Variants in SCML4 observed in about 807,000 individuals in gnomAD.
SCML4 encodes sex comb on midleg-like protein 4.
In SCML4, 34 loss-of-function variants were observed where a neutral mutation model predicts 41.1. That is an observed-to-expected ratio of 0.83 (90% CI 0.63 to 1.10). SCML4 has a LOEUF of 1.10. Among genes scored for constraint, SCML4 ranks in the 50% least tolerant of loss-of-function variants. The pLI is 0.00. For missense variants in SCML4, 522 were observed against 534.1 expected, an observed-to-expected ratio of 0.98 and a Z score of 0.22; for synonymous variants, 214 against 220.9, an observed-to-expected ratio of 0.97 and a Z score of 0.28.
chr6:107,809,790 C>T (rs144611727), intron 1 of SCML4, among the ~76,000 whole-genome samples: 55 of 152,290 alleles, frequency 3.6e-4, no homozygotes, highest in Middle Eastern at 6.8e-3. Context: ...AAAACCAGAA[C>T]GCAGGTAGCC....
intron 1 of SCML4, among the ~76,000 whole-genome samples, chr6:107,820,282 A>C (rs936319401): frequency 2.0e-5 from 3 of 152,208 alleles, no homozygotes; most frequent in Non-Finnish European, 4.4e-5. Flanking sequence ...ATCTGCATCC[A>C]TCACCACTTG....
chr6:107,767,105 G>A (rs1040172222), intron 2 of SCML4, among the ~76,000 whole-genome samples: 4 of 151,856 alleles, frequency 2.6e-5, no homozygotes, highest in African/African-American at 7.3e-5. Context: ...TTACTGACAC[G>A]CGCCACCATG....
At chr6:107,773,908 G>T (rs1027240062) in intron 1 of SCML4, among the ~76,000 whole-genome samples, 2 of 152,230 alleles carry the variant, frequency 1.3e-5, no homozygotes, top group Non-Finnish European at 2.9e-5. Flanking sequence ...TGTCTACAAG[G>T]ACAAGATTGC....
chr6:107,729,314 C>T (rs1342227380), intron 5 of SCML4, among the ~76,000 whole-genome samples: 1 of 152,198 alleles, frequency 6.6e-6, no homozygotes, highest in Non-Finnish European at 1.5e-5. Context: ...TGGTGGCCAA[C>T]AATCTTTGGA....
intron 5 of SCML4, among the ~76,000 whole-genome samples, chr6:107,724,102 T>C (rs1283204353): frequency 3.9e-5 from 6 of 152,062 alleles, no homozygotes; most frequent in Non-Finnish European, 8.8e-5. Context: ...TTTGACAAAA[T>C]CCAATACCCT....
At chr6:107,752,359 G>A (rs936946117) in intron 2 of SCML4, among the ~76,000 whole-genome samples, 6 of 152,018 alleles carry the variant, frequency 3.9e-5, no homozygotes, top group African/African-American at 1.4e-4. Context: ...ATATGGTTCT[G>A]GGGGAGAGCC....
intron 1 of SCML4, among the ~76,000 whole-genome samples, chr6:107,821,711 T>C (rs761224905): frequency 6.6e-6 from 1 of 152,098 alleles, no homozygotes; most frequent in Non-Finnish European, 1.5e-5. Context: ...TGGAGTGGGA[T>C]GGGCACATCC....
intron 1 of SCML4, among the ~76,000 whole-genome samples, chr6:107,780,159 G>T (rs923389335): frequency 2.0e-5 from 3 of 152,114 alleles, no homozygotes; most frequent in African/African-American, 7.2e-5. Flanking sequence ...GGAGTCGGAG[G>T]TGCCTTTGTA....
intron 5 of SCML4, among the ~76,000 whole-genome samples, chr6:107,734,385 C>T (rs1239856991): frequency 6.6e-6 from 1 of 152,088 alleles, no homozygotes; most frequent in African/African-American, 2.4e-5. Context: ...TTGAAGATAC[C>T]TTGGGCGATT....
intron 6 of SCML4, among the ~76,000 whole-genome samples, chr6:107,713,732 T>C (rs1298392544): frequency 6.6e-6 from 1 of 152,154 alleles, no homozygotes; most frequent in Non-Finnish European, 1.5e-5. Flanking sequence ...CCAGGCCCTC[T>C]TGGTTTCTGG....
At chr6:107,776,774 A>T (rs1002266501) in intron 1 of SCML4, among the ~76,000 whole-genome samples, 3 of 152,228 alleles carry the variant, frequency 2.0e-5, no homozygotes, top group Admixed American at 6.5e-5. Flanking sequence ...ATGGCCAAGG[A>T]TATTCTTTGC....
chr6:107,749,734 G>A lies in SCML4; in HGVS notation c.236C>T (p.Pro79Leu), dbSNP rs1203943711. Residue 79 changes from proline to leucine, a missense_variant, in exon 3 of 8, where the codon CCT (proline) becomes CTT (leucine). Pro to Leu is a moderately conservative substitution (Grantham distance 98). Coordinates refer to ENST00000369020, the MANE Select transcript of SCML4 (RefSeq NM_198081.5). The part of the protein sequence containing the change: ...STPEPDLSSI[P>L]QDAATVPSLA... ...GCTGGGGACCGTGGCTGCGTCCTGA[G>A]GGATGGAGCTGAGGTCGGGCTCTGG... The A allele has an allele frequency of 6.2e-7, 1 of 1,614,066 alleles. No homozygotes were observed. Among genetic ancestry groups the A allele is most frequent in the Admixed American group, 1.7e-5 (1 of 60,010 alleles).
At chr6:107,812,634 C>A (rs1318312674) in intron 1 of SCML4, among the ~76,000 whole-genome samples, 1 of 152,204 alleles carries the variant, frequency 6.6e-6, no homozygotes, top group East Asian at 1.9e-4. Flanking sequence ...AAAAGGCTGA[C>A]CCTCCGTGGG....
intron 1 of SCML4, among the ~76,000 whole-genome samples, chr6:107,811,669 C>G (rs1006196103): frequency 6.6e-6 from 1 of 152,248 alleles, no homozygotes; most frequent in Admixed American, 6.5e-5. Context: ...AATGACATTT[C>G]CAGTCAAAGA....
chr6:107,767,904 A>ACAGTGGGAC (rs1284064731), intron 2 of SCML4, among the ~76,000 whole-genome samples: 1 of 152,186 alleles, frequency 6.6e-6, no homozygotes, highest in East Asian at 1.9e-4. Flanking sequence ...GTTGTCTAAA[A>ACAGTGGGAC]CAGTGGGACA....
chr6:107,772,041 G>A (rs1017565033), intron 2 of SCML4, 131 bp downstream of exon 2: 42 of 699,684 alleles, frequency 6.0e-5, no homozygotes, highest in Non-Finnish European at 8.0e-5. Flanking sequence ...ATACTTCACC[G>A]AGGGAGGCTT....
intron 5 of SCML4, among the ~76,000 whole-genome samples, chr6:107,735,615 A>G (rs1404759228): frequency 6.6e-6 from 1 of 151,948 alleles, no homozygotes; most frequent in Non-Finnish European, 1.5e-5. Flanking sequence ...CCTGACCAAC[A>G]TGGCAAAACT....
At chr6:107,756,410 A>C (rs545855275) in intron 2 of SCML4, among the ~76,000 whole-genome samples, 1 of 152,258 alleles carries the variant, frequency 6.6e-6, no homozygotes, top group Non-Finnish European at 1.5e-5. Flanking sequence ...ACAAACTGAA[A>C]TTGCAGAACA....
At chr6:107,793,427 GACAA>G (rs1228044047) in intron 1 of SCML4, among the ~76,000 whole-genome samples, 1 of 152,196 alleles carries the variant, frequency 6.6e-6, no homozygotes, top group Admixed American at 6.5e-5. Flanking sequence ...AAGCGTACAG[GACAA>G]ACAAATGCTT....
Sources: allele counts gnomAD v4.1 joint callset (sites outside exome capture counted in the v4.1 genomes callset), GRCh38; gene constraint gnomAD v4.1.1; transcripts MANE v1.5; gene names NCBI Gene and HGNC (gene_info 2026-07-23, HGNC 2026-07-21).